The following DIAPH3 variants were observed in gnomAD, a reference collection of about 807,000 sequenced individuals.
DIAPH3 encodes diaphanous related formin 3, also known as protein diaphanous homolog 3.
DIAPH3 carries 117 observed loss-of-function variants against 144.3 expected under a neutral mutation model. The ratio of observed to expected loss-of-function variants is 0.81; its 90% CI spans 0.70 to 0.95. The LOEUF (loss-of-function observed/expected upper bound fraction) is 0.95, where lower values mean the gene tolerates loss of function less well. Ranked by LOEUF, DIAPH3 falls within the 40% of genes least tolerant of loss-of-function variation. The pLI is 0.00. For missense variants in DIAPH3, 1,421 were observed against 1,412.7 expected (o/e 1.01, Z -0.09); for synonymous variants, 519 against 488.9 (o/e 1.06, Z -0.81).
chr13:59,994,570 A>T (rs1265863712), intron 9 of DIAPH3, among the ~76,000 whole-genome samples: 1 of 151,936 alleles, frequency 6.6e-6, no homozygotes, highest in Non-Finnish European at 1.5e-5. Flanking sequence ...ATACTGTAAG[A>T]AATATGTTTG....
At chr13:59,931,681 T>C (rs1179046926) in intron 17 of DIAPH3, among the ~76,000 whole-genome samples, 3 of 152,182 alleles carry the variant, frequency 2.0e-5, no homozygotes, top group African/African-American at 4.8e-5. Context: ...TATGTATGAA[T>C]TGGCAGAGTA....
chr13:59,787,308 A>C (rs1226093658), intron 25 of DIAPH3, among the ~76,000 whole-genome samples: 1 of 152,248 alleles, frequency 6.6e-6, no homozygotes, highest in East Asian at 1.9e-4. Flanking sequence ...CAAACATTTC[A>C]ACATTAAAAG....
intron 27 of DIAPH3, among the ~76,000 whole-genome samples, chr13:59,717,921 T>C (rs1028891875): frequency 6.6e-6 from 1 of 152,202 alleles, no homozygotes; most frequent in Admixed American, 6.5e-5. Flanking sequence ...TATTTGTCAT[T>C]AGTTGTACTG....
intron 4 of DIAPH3, among the ~76,000 whole-genome samples, chr13:60,071,119 C>T (rs2057190445): frequency 6.6e-6 from 1 of 152,230 alleles, no homozygotes; most frequent in African/African-American, 2.4e-5. Flanking sequence ...AAAATACTTC[C>T]CATTTTACGT....
At chr13:60,001,721 G>C (rs9538546) in intron 9 of DIAPH3, among the ~76,000 whole-genome samples, 81,054 of 152,044 alleles carry the variant, frequency 0.53, 22,148 homozygotes, top group Admixed American at 0.6. Flanking sequence ...AACCCTACAG[G>C]TATGATCATA....
intron 25 of DIAPH3, among the ~76,000 whole-genome samples, chr13:59,804,685 C>A (rs1346839786): frequency 6.6e-6 from 1 of 152,040 alleles, no homozygotes; most frequent in African/African-American, 2.4e-5. Context: ...ATTTGTTCTA[C>A]CCTTCTATAT....
At chr13:59,935,018 T>C (rs1473734566) in intron 17 of DIAPH3, among the ~76,000 whole-genome samples, 2 of 152,196 alleles carry the variant, frequency 1.3e-5, no homozygotes. Flanking sequence ...GGGAAATAAC[T>C]ACACAGTTGA....
chr13:59,705,660 T>G (rs1276090284), intron 27 of DIAPH3, among the ~76,000 whole-genome samples: 1 of 152,250 alleles, frequency 6.6e-6, no homozygotes, highest in Non-Finnish European at 1.5e-5. Flanking sequence ...GTTAGTGTTT[T>G]CTTTCATTAT....
At chr13:59,808,405 A>T (rs2040300618) in intron 25 of DIAPH3, among the ~76,000 whole-genome samples, 1 of 152,028 alleles carries the variant, frequency 6.6e-6, no homozygotes, top group South Asian at 2.1e-4. Context: ...CATAATTTTA[A>T]AATCTATAAA....
Position 59,971,062 on chromosome 13 carries a change from A to G in DIAPH3, c.1749T>C (p.Ser583=), listed in dbSNP as rs769214456. The stretch of plus-strand genomic sequence containing the variant: ...GAGGTGGAGGCGGCACCCCTCCACC[A>G]GAAGGCAGTGGAGGCGGAGGAGGAA... ...SALPPPPPLP[S]GGGVPPPPPP... is the part of the protein sequence containing the mutation. Residue 583 remains serine (S), a synonymous_variant, in exon 16 of 28, where the codon TCT becomes TCC. Transcript: ENST00000400324. 6 of 1,613,772 alleles carry G rather than the reference A, an allele frequency of 3.7e-6. No individual in the cohort carries two copies. In the East Asian group the frequency reaches 8.9e-5, roughly 24 times the overall value.
intron 17 of DIAPH3, among the ~76,000 whole-genome samples, chr13:59,937,852 T>C (rs1051683476): frequency 1.3e-5 from 2 of 152,044 alleles, no homozygotes; most frequent in Admixed American, 1.3e-4. Context: ...AAATGCTTTA[T>C]TGTGTGGGGA....
intron 27 of DIAPH3, among the ~76,000 whole-genome samples, chr13:59,743,418 T>C (rs1477727813): frequency 6.6e-6 from 1 of 152,096 alleles, no homozygotes; most frequent in Non-Finnish European, 1.5e-5. Flanking sequence ...GTTTCCAACA[T>C]GGGGGAGCAA....
At chr13:59,993,143 A>G (rs972128553) in intron 9 of DIAPH3, among the ~76,000 whole-genome samples, 1 of 151,864 alleles carries the variant, frequency 6.6e-6, no homozygotes, top group Non-Finnish European at 1.5e-5. Context: ...CAAAAATTCA[A>G]AATTACCCTA....
chr13:59,942,886 T>A (rs2048605168), intron 17 of DIAPH3, among the ~76,000 whole-genome samples: 1 of 152,210 alleles, frequency 6.6e-6, no homozygotes, highest in Admixed American at 6.5e-5. Context: ...TTTAACAGCT[T>A]CATAGCATAT....
intron 18 of DIAPH3, among the ~76,000 whole-genome samples, chr13:59,923,178 A>G (rs1417031053): frequency 6.6e-6 from 1 of 152,204 alleles, no homozygotes; most frequent in African/African-American, 2.4e-5. Flanking sequence ...ATTTAGGCTA[A>G]CTTACCACAG....
At chr13:59,922,984 T>A (rs2140295588) in intron 18 of DIAPH3, among the ~76,000 whole-genome samples, 1 of 152,262 alleles carries the variant, frequency 6.6e-6, no homozygotes, top group Admixed American at 6.5e-5. Flanking sequence ...ACCTATACTG[T>A]TAATGCTAAT....
intron 3 of DIAPH3, among the ~76,000 whole-genome samples, chr13:60,111,564 C>A (rs1015050303): frequency 1.2e-4 from 18 of 152,306 alleles, no homozygotes; most frequent in Admixed American, 9.8e-4. Flanking sequence ...CTCAAAGGAG[C>A]ACAAACTCCA....
intron 14 of DIAPH3, 33 bp downstream of exon 14, chr13:59,980,762 C>A (rs2050951258): frequency 1.9e-6 from 3 of 1,578,356 alleles, no homozygotes; most frequent in Non-Finnish European, 8.7e-7. Context: ...TGGTTCCCCA[C>A]AGAATACTAT....
At chr13:59,888,869 A>G (rs1566471775) in intron 20 of DIAPH3, among the ~76,000 whole-genome samples, 1 of 151,134 alleles carries the variant, frequency 6.6e-6, no homozygotes, top group Non-Finnish European at 1.5e-5. Context: ...TTCTGAGTTT[A>G]CAGGGTATTT....
Sources: allele counts gnomAD v4.1 joint callset (sites outside exome capture counted in the v4.1 genomes callset), GRCh38; gene constraint gnomAD v4.1.1; transcripts MANE v1.5; gene names NCBI Gene and HGNC (gene_info 2026-07-23, HGNC 2026-07-21).